Variants in VPS13B observed in about 807,000 individuals in gnomAD.
The protein encoded by VPS13B is intermembrane lipid transfer protein VPS13B.
In VPS13B, 285 loss-of-function variants were observed where a neutral mutation model predicts 426.4. That is an observed-to-expected ratio of 0.67 (90% CI 0.61 to 0.74). The LOEUF (loss-of-function observed/expected upper bound fraction) is 0.74, where lower values mean the gene tolerates loss of function less well. Among genes scored for constraint, VPS13B ranks in the 30% least tolerant of loss-of-function variants. VPS13B has a pLI of 0.00. For synonymous variants in VPS13B, 1,676 were observed against 1,676.4 expected, an observed-to-expected ratio of 1.00 and a Z score of 0.01; for missense variants, 4,537 against 4,782.6, an observed-to-expected ratio of 0.95 and a Z score of 1.51.
intron 3 of VPS13B, among the ~76,000 whole-genome samples, chr8:99,070,523 T>C (rs571815712): frequency 5.9e-5 from 9 of 152,322 alleles, no homozygotes; most frequent in African/African-American, 2.2e-4. Flanking sequence ...AAAGTAATGC[T>C]TGTTGCAAAA....
intron 17 of VPS13B, among the ~76,000 whole-genome samples, chr8:99,193,375 G>C (rs1813711607): frequency 1.3e-5 from 2 of 152,004 alleles, no homozygotes; most frequent in Non-Finnish European, 1.5e-5. Flanking sequence ...TTAAGTATAA[G>C]TACAGTATGT....
intron 19 of VPS13B, among the ~76,000 whole-genome samples, chr8:99,308,403 C>T (rs188903996): frequency 1.8e-3 from 270 of 152,202 alleles, no homozygotes; most frequent in Middle Eastern, 6.8e-3. Flanking sequence ...TTGTTCAATT[C>T]CCACCTATGA....
rs1010466821 is a variant in VPS13B, at chr8:99,548,603, C to G, written c.4746-7847C>G. 7.2e-5 allele frequency among the ~76,000 whole-genome samples: 11 copies of G among 151,892 alleles called. No homozygotes were observed. In the South Asian group the frequency reaches 1.9e-3, roughly 26 times the overall value. On this transcript the variant is annotated intron_variant, in intron 30 of 61. Coordinates refer to ENST00000357162, the MANE Select transcript of VPS13B (RefSeq NM_152564.5). ...CATTTTGAATATGTTTTCTTAATTT[C>G]ATATTGAAAAAGCAAAAATGCTTTT...
chr8:99,285,712 A>G (rs1005618645), intron 19 of VPS13B, among the ~76,000 whole-genome samples: 1 of 152,148 alleles, frequency 6.6e-6, no homozygotes, highest in African/African-American at 2.4e-5. Context: ...TTGGCTGTAT[A>G]GTAGCTTTCA....
In VPS13B at chr8:99,445,487, A is replaced by G. The variant is rs1050957609; in HGVS notation, c.3445+2852A>G. Among the ~76,000 whole-genome samples the G allele has an allele frequency of 2.7e-5, 4 of 149,252 alleles. 1 individual carries two copies. The highest frequency in any genetic ancestry group is 9.8e-5 in the African/African-American group (4 of 41,024). ...CTCTGTAAATTAATTAACTAAGTAT[A>G]TATAATACATGATATATAATATGTA... On this transcript the variant is annotated intron_variant, in intron 23 of 61. Transcript: ENST00000357162.
At chr8:99,729,785 G>T (rs983366484) in intron 39 of VPS13B, among the ~76,000 whole-genome samples, 1 of 152,152 alleles carries the variant, frequency 6.6e-6, no homozygotes, top group Admixed American at 6.5e-5. Context: ...TCTTATAGTT[G>T]TGTGGGGTTT....
intron 21 of VPS13B, among the ~76,000 whole-genome samples, chr8:99,395,361 A>G (rs1814672856): frequency 6.6e-6 from 1 of 152,230 alleles, no homozygotes; most frequent in African/African-American, 2.4e-5. Context: ...AGGGTTTGGC[A>G]AGGAATAACC....
At chr8:99,680,807 C>T (rs945425416) in intron 35 of VPS13B, among the ~76,000 whole-genome samples, 1 of 152,146 alleles carries the variant, frequency 6.6e-6, no homozygotes, top group African/African-American at 2.4e-5. Flanking sequence ...GTGCCTGGTT[C>T]CCTATCCAGT....
intron 8 of VPS13B, among the ~76,000 whole-genome samples, chr8:99,126,884 A>G (rs946600805): frequency 6.6e-6 from 1 of 152,130 alleles, no homozygotes; most frequent in African/African-American, 2.4e-5. Context: ...ACTTGAGCCC[A>G]GGAATTCCAG....
At chr8:99,329,624 C>A (rs995007208) in intron 19 of VPS13B, among the ~76,000 whole-genome samples, 7 of 151,962 alleles carry the variant, frequency 4.6e-5, no homozygotes, top group Non-Finnish European at 1.0e-4. Context: ...CAACTTATTT[C>A]TTTCTGAGCC....
intron 21 of VPS13B, among the ~76,000 whole-genome samples, chr8:99,392,018 G>C (rs1312278826): frequency 1.3e-5 from 2 of 152,152 alleles, no homozygotes; most frequent in African/African-American, 4.8e-5. Flanking sequence ...CCTTTGCAAG[G>C]GTGTGAGCCC....
chr8:99,474,011 T>A (rs1404391559), intron 24 of VPS13B, among the ~76,000 whole-genome samples: 1 of 152,102 alleles, frequency 6.6e-6, no homozygotes, highest in African/African-American at 2.4e-5. Flanking sequence ...AGTAAAGAGA[T>A]ATATCTCCTC....
intron 33 of VPS13B, among the ~76,000 whole-genome samples, chr8:99,608,261 A>G (rs1416579733): frequency 6.7e-6 from 1 of 148,724 alleles, no homozygotes; most frequent in African/African-American, 2.5e-5. Flanking sequence ...CCATCCTCCT[A>G]CCTCAGCATC....
chr8:99,298,278 C>T (rs1820154076), intron 19 of VPS13B, among the ~76,000 whole-genome samples: 1 of 152,098 alleles, frequency 6.6e-6, no homozygotes, highest in Non-Finnish European at 1.5e-5. Flanking sequence ...CATCTGAGGT[C>T]AGGAGTTCGA....
chr8:99,552,483 T>C (rs1183745796), intron 30 of VPS13B, among the ~76,000 whole-genome samples: 2 of 152,004 alleles, frequency 1.3e-5, no homozygotes, highest in Non-Finnish European at 2.9e-5. Context: ...ATACCATATG[T>C]GAGACTCAAA....
At chr8:99,038,677 T>TA in intron 3 of VPS13B, 111 bp downstream of exon 3, 6 of 579,070 alleles carry the variant, frequency 1.0e-5, no homozygotes, top group Non-Finnish European at 1.1e-5. Context: ...TTAGCTTATA[T>TA]ACTTTTTTTT....
At chr8:99,430,970 G>A (rs369206480) in intron 21 of VPS13B, among the ~76,000 whole-genome samples, 30 of 152,042 alleles carry the variant, frequency 2.0e-4, no homozygotes, top group Admixed American at 1.7e-3. Flanking sequence ...TGCCTGACTC[G>A]GCCTCCCAAA....
intron 35 of VPS13B, among the ~76,000 whole-genome samples, chr8:99,675,726 A>G (rs1830907847): frequency 6.6e-6 from 1 of 151,664 alleles, no homozygotes; most frequent in Non-Finnish European, 1.5e-5. Flanking sequence ...TCTGCTGTTG[A>G]TATTCTCTTT....
intron 54 of VPS13B, among the ~76,000 whole-genome samples, chr8:99,843,242 T>C (rs905445654): frequency 5.9e-5 from 9 of 152,230 alleles, no homozygotes; most frequent in Middle Eastern, 6.8e-3. Flanking sequence ...TCTTAGTATA[T>C]GTCACCTAGA....
Sources: allele counts gnomAD v4.1 joint callset (sites outside exome capture counted in the v4.1 genomes callset), GRCh38; gene constraint gnomAD v4.1.1; transcripts MANE v1.5; gene names NCBI Gene and HGNC (gene_info 2026-07-23, HGNC 2026-07-21).